Variants in NMD3 observed in about 807,000 individuals in gnomAD.
NMD3 encodes 60S ribosomal export protein NMD3.
A neutral mutation model predicts 73.1 loss-of-function variants in NMD3; 47 were observed. The observed-to-expected ratio is 0.64, with a 90% CI of 0.51 to 0.82. The LOEUF is 0.82. Among genes scored for constraint, NMD3 ranks in the 40% least tolerant of loss-of-function variants. The pLI, the probability that NMD3 is intolerant of heterozygous loss-of-function variation, is 0.00. For missense variants in NMD3, 554 were observed against 612.5 expected (o/e 0.90, Z 1.01); for synonymous variants, 210 against 194.5 (o/e 1.08, Z -0.66).
At chr3:161,222,424 C>A (rs1465837976) in intron 2 of NMD3, among the ~76,000 whole-genome samples, 1 of 151,862 alleles carries the variant, frequency 6.6e-6, no homozygotes, top group Non-Finnish European at 1.5e-5. Context: ...CGGCTCACTG[C>A]AACCTCCACC....
chr3:161,238,660 T>G, intron 8 of NMD3, 70 bp from the exon 9 acceptor site: 1 of 771,584 alleles, frequency 1.3e-6, no homozygotes, highest in South Asian at 1.5e-5. Flanking sequence ...TTAATGAAAA[T>G]TGATATTCCT....
At chr3:161,240,129 T>G (rs1363715198) in intron 9 of NMD3, among the ~76,000 whole-genome samples, 1 of 152,242 alleles carries the variant, frequency 6.6e-6, no homozygotes, top group Non-Finnish European at 1.5e-5. Flanking sequence ...AACTCATGTA[T>G]TAAAAACCAA....
chr3:161,222,964 G>C (rs911148005), intron 2 of NMD3: 17 of 152,214 alleles, frequency 1.1e-4, no homozygotes, highest in African/African-American at 4.1e-4. Context: ...TGTCTTTGGA[G>C]CTCAGCATAG....
chr3:161,240,988 G>T, intron 9 of NMD3, 58 bp from the exon 10 acceptor site: 1 of 1,052,326 alleles, frequency 9.5e-7, no homozygotes, highest in East Asian at 2.4e-5. Context: ...ATTGATGAGT[G>T]TTTATTGGAC....
chr3:161,228,756 G>C (rs995042292), intron 4 of NMD3, among the ~76,000 whole-genome samples: 1 of 152,160 alleles, frequency 6.6e-6, no homozygotes, highest in Non-Finnish European at 1.5e-5. Context: ...GGCAATCCCT[G>C]TCTTAGAAAG....
At chr3:161,229,520 G>A (rs1160451135) in intron 4 of NMD3, among the ~76,000 whole-genome samples, 2 of 152,156 alleles carry the variant, frequency 1.3e-5, no homozygotes, top group Non-Finnish European at 2.9e-5. Flanking sequence ...TCTGTAACTG[G>A]TATTTAGATG....
intron 1 of NMD3, 63 bp from the exon 2 acceptor site, chr3:161,221,931 G>T: frequency 1.1e-6 from 1 of 948,312 alleles, no homozygotes. Flanking sequence ...AGGAGACTAG[G>T]TAAAGTGATT....
chr3:161,244,012 A>G (rs1368641554), intron 11 of NMD3, among the ~76,000 whole-genome samples: 1 of 152,138 alleles, frequency 6.6e-6, no homozygotes, highest in Non-Finnish European at 1.5e-5. Flanking sequence ...ATTCAGGGTT[A>G]CAAAATGGTG....
chr3:161,226,930 T>C (rs1736341031), intron 3 of NMD3, among the ~76,000 whole-genome samples: 1 of 152,210 alleles, frequency 6.6e-6, no homozygotes, highest in Admixed American at 6.5e-5. Flanking sequence ...TTGAGATGAT[T>C]CTCACCTGTT....
At position 161,238,326 on chromosome 3, in the gene NMD3, T is replaced by G. The variant is rs1736846686; in HGVS notation, c.656+135T>G. 3 of 664,528 alleles carry G rather than the reference T, an allele frequency of 4.5e-6. No homozygotes were observed. The Admixed American group carries it at 8.7e-5, about 19-fold the overall frequency. 41.2% of individuals were successfully genotyped at this position (664,528 alleles called of 1,614,324 possible). On this transcript the variant is annotated intron_variant, in intron 8 of 15. Coordinates refer to ENST00000351193, the MANE Select transcript of NMD3 (RefSeq NM_015938.5). ...AATACTTACACAATCAGGAAGCATA[T>G]ATTGGGTTAACCACCCACTCACAGA...
intron 11 of NMD3, among the ~76,000 whole-genome samples, chr3:161,243,448 C>A (rs1169275430): frequency 2.0e-5 from 3 of 152,104 alleles, no homozygotes. Flanking sequence ...CCTCATTTGT[C>A]CCAAAAGTGT....
intron 3 of NMD3, among the ~76,000 whole-genome samples, chr3:161,226,586 A>G (rs972248145): frequency 2.0e-5 from 3 of 152,244 alleles, no homozygotes; most frequent in African/African-American, 7.2e-5. Context: ...AAAGACATTC[A>G]CATAACATGT....
rs1290697247 is a variant in NMD3 at position 161,251,784 on chromosome 3, T to C, written c.*874T>C. The C allele has an allele frequency of 1.3e-5, 2 of 152,198 alleles. No individual in the cohort carries two copies. The highest frequency in any genetic ancestry group is 4.8e-5 in the African/African-American group (2 of 41,458). 9.4% of individuals were successfully genotyped at this position (152,198 alleles called of 1,614,324 possible). On this transcript the variant is annotated 3_prime_UTR_variant, in exon 16 of 16. Transcript: ENST00000351193. ...AATCCAGCATGAAGATAATGGCTAA[T>C]AAAAATGAGGTACATACTTTATAAA...
rs371987058 is a variant in NMD3, at chr3:161,234,750, A to G, written c.381A>G (p.Gln127=). 1.2e-6 allele frequency: 2 copies of G among 1,612,686 alleles called. No individual in the cohort carries two copies. The highest frequency in any genetic ancestry group is 1.7e-6 in the Non-Finnish European group (2 of 1,179,132). Residue 127 remains glutamine (Q), a synonymous_variant, in exon 6 of 16, where the codon CAA becomes CAG. Coordinates refer to ENST00000351193, the MANE Select transcript of NMD3 (RefSeq NM_015938.5). ...AGGTGATGAATGGTGCTATCCTTCA[A>G]CAAGTGTTTGTGGTGGATTATGTTG... ...QKEVMNGAIL[Q]QVFVVDYVVQ...
chr3:161,224,521 T>G (rs1004114776), intron 2 of NMD3, among the ~76,000 whole-genome samples: 3 of 152,224 alleles, frequency 2.0e-5, no homozygotes, highest in Non-Finnish European at 4.4e-5. Context: ...AGACATTGTC[T>G]TGGTCTGTCA....
In NMD3 at chr3:161,241,083, G is replaced by T; in HGVS notation, c.791G>T (p.Ser264Ile). ...VVCLSPKLAQ[S>I]LGNMNQICVC... is the part of the protein sequence containing the mutation. ...TGTCTGTCTCCAAAACTGGCACAAA[G>T]CCTGGGAAATATGAACCAGATTTGT... The change falls in exon 10 of 16, where the codon AGC becomes ATC. Residue 264 changes from serine to isoleucine, a missense_variant. Ser to Ile is a moderately radical substitution (Grantham distance 142). Coordinates refer to ENST00000351193, the MANE Select transcript of NMD3 (RefSeq NM_015938.5). 3 of 1,613,122 alleles carry T rather than the reference G, an allele frequency of 1.9e-6. No homozygotes were observed. Among genetic ancestry groups the T allele is most frequent in the Non-Finnish European group, 1.7e-6 (2 of 1,179,648 alleles).
chr3:161,241,581 C>G (rs1017047361), intron 10 of NMD3, among the ~76,000 whole-genome samples: 3 of 151,990 alleles, frequency 2.0e-5, no homozygotes, highest in African/African-American at 7.3e-5. Context: ...CCACCATGCC[C>G]AGCTAATTTT....
intron 15 of NMD3, 62 bp downstream of exon 15, chr3:161,250,388 A>C: frequency 1.0e-6 from 1 of 954,840 alleles, no homozygotes; most frequent in African/African-American, 1.7e-5. Flanking sequence ...CCTAGTATGA[A>C]TATTTTGGTA....
At chr3:161,227,572 CA>C (rs1435618809) in intron 4 of NMD3, among the ~76,000 whole-genome samples, 2 of 151,260 alleles carry the variant, frequency 1.3e-5, no homozygotes, top group East Asian at 3.9e-4. Flanking sequence ...CTCAGCCTCC[CA>C]AGTAGCTGGG....
Sources: allele counts gnomAD v4.1 joint callset (sites outside exome capture counted in the v4.1 genomes callset), GRCh38; gene constraint gnomAD v4.1.1; transcripts MANE v1.5; gene names NCBI Gene and HGNC (gene_info 2026-07-23, HGNC 2026-07-21).